DNMBP: variants seen among roughly 807,000 people sequenced by gnomAD.
DNMBP encodes dynamin-binding protein.
In DNMBP, 87 loss-of-function variants were observed where a neutral mutation model predicts 150.0. The ratio of observed to expected loss-of-function variants is 0.58; its 90% CI spans 0.49 to 0.69. DNMBP has a LOEUF of 0.69. DNMBP is among the 30% of genes least tolerant of loss of function. The pLI is 0.00. For missense variants in DNMBP, 1,774 were observed against 1,949.0 expected (o/e 0.91, Z 1.69); for synonymous variants, 711 against 750.4 (o/e 0.95, Z 0.86).
chr10:99,905,137 G>A (rs143168708), intron 6 of DNMBP, among the ~76,000 whole-genome samples: 73 of 152,248 alleles, frequency 4.8e-4, no homozygotes, highest in Admixed American at 1.2e-3. Flanking sequence ...ATACACTGTC[G>A]TTTATGCTTC....
Position 99,981,342 on chromosome 10 carries a change from C to CTTTTTTGTATTTCTAGTAG in DNMBP, c.-10-9209_-10-9208insCTACTAGAAATACAAAAAA, listed in dbSNP as rs1278616884. ...GATTACAGGTATGCACCACCACACCCAGCTAATTTTTGTATTTCTAGTAGA... is the reference window on the plus strand; with the variant it reads ...GATTACAGGTATGCACCACCACACCCTTTTTTGTATTTCTAGTAGAGCTAATTTTTGTATTTCTAGTAGA... On this transcript the variant is annotated intron_variant, in intron 1 of 16. Coordinates refer to ENST00000324109, the MANE Select transcript of DNMBP (RefSeq NM_015221.4). Among the ~76,000 whole-genome samples the CTTTTTTGTATTTCTAGTAG allele has an allele frequency of 1.5e-3, 222 of 152,128 alleles. 1 individual carries two copies. Among genetic ancestry groups the CTTTTTTGTATTTCTAGTAG allele is most frequent in the South Asian group, 5.0e-3 (24 of 4,812 alleles).
intron 4 of DNMBP, among the ~76,000 whole-genome samples, chr10:99,954,744 C>CAAA (rs751589220): frequency 4.1e-4 from 20 of 48,756 alleles, no homozygotes; most frequent in Non-Finnish European, 5.8e-4. Context: ...AACTCTGTCT[C>CAAA]AAAAAAAAAA....
intron 3 of DNMBP, among the ~76,000 whole-genome samples, chr10:99,967,495 C>T (rs756925930): frequency 4.6e-5 from 7 of 152,142 alleles, no homozygotes; most frequent in Non-Finnish European, 1.0e-4. Context: ...CACTGCACTC[C>T]AGCCTCGACA....
rs114682274 is a variant in DNMBP at position 100,007,356 on chromosome 10, G to A, written c.-11+2482C>T. ...TTGTTCAAACTGGTTCCCCCTCCCA[G>A]CACCCACAGCATACACAAGTGCTAC... On this transcript the variant is annotated intron_variant, in intron 1 of 16. Transcript: ENST00000324109. 5.5e-3 allele frequency among the ~76,000 whole-genome samples: 844 copies of A among 152,248 alleles called. 6 individuals are homozygous for A. The highest frequency in any genetic ancestry group is 0.019 in the African/African-American group (800 of 41,546).
At chr10:100,005,080 A>C (rs2041053809) in intron 1 of DNMBP, among the ~76,000 whole-genome samples, 1 of 152,206 alleles carries the variant, frequency 6.6e-6, no homozygotes, top group African/African-American at 2.4e-5. Context: ...ACGAGATTGA[A>C]AACCATGGAT....
At chr10:100,006,661 C>A (rs1157702141) in intron 1 of DNMBP, among the ~76,000 whole-genome samples, 1 of 152,034 alleles carries the variant, frequency 6.6e-6, no homozygotes, top group South Asian at 2.1e-4. Context: ...CCACTCCCAC[C>A]CCCTCTCATC....
At chr10:99,884,831 AG>A (rs1451947349) in intron 14 of DNMBP, among the ~76,000 whole-genome samples, 1 of 152,096 alleles carries the variant, frequency 6.6e-6, no homozygotes, top group Non-Finnish European at 1.5e-5. Context: ...TGAACCTGGG[AG>A]GGTGGAGGAT....
chr10:99,926,339 T>C (rs1184095397), intron 4 of DNMBP, among the ~76,000 whole-genome samples: 1 of 152,178 alleles, frequency 6.6e-6, no homozygotes, highest in Non-Finnish European at 1.5e-5. Context: ...GGCTGCAGTA[T>C]AGTGGCATCA....
At chr10:99,879,475 T>C (rs910062027) in intron 16 of DNMBP, among the ~76,000 whole-genome samples, 9 of 152,218 alleles carry the variant, frequency 5.9e-5, no homozygotes, top group Admixed American at 3.9e-4. Context: ...AAATAAAGTA[T>C]GGTTACTTGA....
chr10:99,922,543 A>C (rs7077577), intron 4 of DNMBP, among the ~76,000 whole-genome samples: 1 of 108,474 alleles, frequency 9.2e-6, no homozygotes, highest in Non-Finnish European at 1.7e-5. Flanking sequence ...AAAAAAAAAG[A>C]TCTCACTCTC....
At position 99,956,604 on chromosome 10, in the gene DNMBP, GC is replaced by G; in HGVS notation, c.869del (p.Gly290AlafsTer8). On this transcript the variant is annotated frameshift_variant, in exon 4 of 17. Transcript: ENST00000324109. LOFTEE classifies it high-confidence loss of function. Reference protein sequence around the residue: ...WLEGSLKGRTGIFPYRFVKLC... With the variant: ...WLEGSLKGRTXIFPYRFVKLC... ...ATTTCACAAACCGGTAAGGAAAGAT[GC>G]CTGTCCTGCCCTTCAGGGATCCTTC... is the stretch of plus-strand genomic sequence containing the variant. 1.2e-6 allele frequency: 2 copies of G among 1,614,074 alleles called. No homozygotes were observed. The highest frequency in any genetic ancestry group is 1.7e-6 in the Non-Finnish European group (2 of 1,180,012).
At chr10:100,006,056 A>G (rs1049545379) in intron 1 of DNMBP, among the ~76,000 whole-genome samples, 7 of 152,234 alleles carry the variant, frequency 4.6e-5, no homozygotes, top group Non-Finnish European at 1.0e-4. Flanking sequence ...CCAATTTTCC[A>G]AACAACAAAA....
intron 6 of DNMBP, among the ~76,000 whole-genome samples, chr10:99,907,142 C>T (rs899913283): frequency 6.6e-6 from 1 of 151,570 alleles, no homozygotes; most frequent in Non-Finnish European, 1.5e-5. Context: ...GGCAACATGG[C>T]AAAACTCCAT....
intron 11 of DNMBP, among the ~76,000 whole-genome samples, chr10:99,891,961 T>C (rs1275280276): frequency 1.9e-4 from 24 of 123,212 alleles, no homozygotes; most frequent in Non-Finnish European, 3.2e-4. Flanking sequence ...GTCCGGGAGG[T>C]GAGGGGCGCC....
chr10:99,929,594 G>C, intron 4 of DNMBP: 1 of 649,610 alleles, frequency 1.5e-6, no homozygotes, highest in Non-Finnish European at 2.7e-6. Context: ...TAAGAAGGCT[G>C]GCTGAGTTCA....
intron 6 of DNMBP, among the ~76,000 whole-genome samples, chr10:99,900,717 G>A (rs990556238): frequency 4.0e-5 from 6 of 151,716 alleles, no homozygotes; most frequent in African/African-American, 9.7e-5. Context: ...TGCAACATCC[G>A]CCTCCCTGGT....
intron 1 of DNMBP, among the ~76,000 whole-genome samples, chr10:99,988,170 A>G (rs2040849120): frequency 6.6e-6 from 1 of 152,192 alleles, no homozygotes; most frequent in Non-Finnish European, 1.5e-5. Flanking sequence ...TTCTGATGTC[A>G]TAAGTTTAAA....
At chr10:99,987,236 C>T (rs540979521) in intron 1 of DNMBP, among the ~76,000 whole-genome samples, 29 of 151,680 alleles carry the variant, frequency 1.9e-4, no homozygotes, top group African/African-American at 7.0e-4. Context: ...GGCAGGGTGG[C>T]TCATGCTTGT....
At chr10:99,888,638 G>T (rs1021148868) in intron 12 of DNMBP, among the ~76,000 whole-genome samples, 187 bp downstream of exon 12, 1 of 152,108 alleles carries the variant, frequency 6.6e-6, no homozygotes, top group Non-Finnish European at 1.5e-5. Context: ...ACAGACACAG[G>T]TCCTACATCT....
Sources: allele counts gnomAD v4.1 joint callset (sites outside exome capture counted in the v4.1 genomes callset), GRCh38; gene constraint gnomAD v4.1.1; transcripts MANE v1.5; gene names NCBI Gene and HGNC (gene_info 2026-07-23, HGNC 2026-07-21).